Variants in APBA1 observed in about 807,000 individuals in gnomAD.
APBA1 encodes amyloid-beta A4 precursor protein-binding family A member 1.
In APBA1, 55 loss-of-function variants were observed where a neutral mutation model predicts 86.6. The observed-to-expected ratio is 0.64, with a 90% CI of 0.51 to 0.80. The LOEUF (loss-of-function observed/expected upper bound fraction) is 0.80. APBA1 is among the 30% of genes least tolerant of loss of function. The probability of loss-of-function intolerance (pLI) is 0.00; values close to 1 mark genes in which losing one functional copy is unlikely to be tolerated. For missense variants in APBA1, 1,090 were observed against 1,183.0 expected (o/e 0.92, Z 1.15); for synonymous variants, 511 against 493.9 (o/e 1.03, Z -0.46).
At chr9:69,486,561 T>C (rs1835613170) in intron 2 of APBA1, among the ~76,000 whole-genome samples, 1 of 151,974 alleles carries the variant, frequency 6.6e-6, no homozygotes, top group Non-Finnish European at 1.5e-5. Flanking sequence ...ACAGAGGTAG[T>C]GGTCAGTTCT....
intron 5 of APBA1, chr9:69,463,029 A>AGATGATGT (rs1835216541): frequency 6.6e-6 from 1 of 152,198 alleles, no homozygotes. Context: ...ATTACTTCTC[A>AGATGATGT]AAAATGATGA....
In APBA1 at chr9:69,516,923, C is replaced by G. The variant is rs1426114797; in HGVS notation, c.288G>C (p.Val96=). The stretch of plus-strand genomic sequence containing the variant: ...CGTAGCCGTCGCGGGCCGCGGCGAT[C>G]ACGTCGCCCTCGGCGGTGTCCGTGT... ...HNHTDTAEGD[V]IAAARDGYDA... The change falls in exon 2 of 13, where the codon GTG becomes GTC. Residue 96 remains valine, a synonymous_variant. Transcript: ENST00000265381. This position sits in a 1 kb window ranked among gnomAD's most constrained non-coding sequence, Gnocchi z 7.3. The G allele has an allele frequency of 1.1e-5, 17 of 1,594,552 alleles. No individual in the cohort carries two copies. The highest frequency in any genetic ancestry group is 6.7e-5 in the African/African-American group (5 of 74,840).
chr9:69,558,533 T>TAC (rs34177238), intron 1 of APBA1, among the ~76,000 whole-genome samples: 79,301 of 144,908 alleles, frequency 0.55, 23,123 homozygotes, highest in East Asian at 0.82. Context: ...TATATATATA[T>TAC]ACACACACAC....
intron 1 of APBA1, among the ~76,000 whole-genome samples, chr9:69,666,540 C>T (rs984472353): frequency 2.0e-5 from 3 of 152,134 alleles, no homozygotes; most frequent in African/African-American, 7.2e-5. Context: ...TGCCTCCCCC[C>T]ACCCCATATT....
intron 7 of APBA1, 117 bp from the exon 8 acceptor site, chr9:69,456,549 C>T (rs1835101086): frequency 9.3e-7 from 1 of 1,071,528 alleles, no homozygotes; most frequent in Non-Finnish European, 1.3e-6. Flanking sequence ...CTCCAGGGCT[C>T]ACTGCAAAGC....
chr9:69,668,283 C>G (rs922816708), intron 1 of APBA1, among the ~76,000 whole-genome samples: 1 of 152,120 alleles, frequency 6.6e-6, no homozygotes, highest in African/African-American at 2.4e-5. Flanking sequence ...TCTTCCTTAT[C>G]CTCTGTTATA....
In APBA1 at chr9:69,536,636, G is replaced by T. The variant is rs1032692996; in HGVS notation, c.-69-19357C>A. The stretch of plus-strand genomic sequence containing the variant: ...AATCCCAGCACTTTGGGAGGCTGAG[G>T]CGGGCAGATTGATGGAGGTCAGGAG... On this transcript the variant is annotated intron_variant, in intron 1 of 12. Transcript: ENST00000265381. Among the ~76,000 whole-genome samples, 9 of 150,234 alleles carry T rather than the reference G, an allele frequency of 6.0e-5. 1 individual carries two copies.
At chr9:69,577,222 T>C (rs1821821095) in intron 1 of APBA1, among the ~76,000 whole-genome samples, 2 of 152,232 alleles carry the variant, frequency 1.3e-5, no homozygotes, top group Non-Finnish European at 2.9e-5. Context: ...GAATTTACTC[T>C]TCCCTATCTA....
intron 10 of APBA1, among the ~76,000 whole-genome samples, chr9:69,448,795 G>A (rs1834954328): frequency 6.6e-6 from 1 of 152,190 alleles, no homozygotes; most frequent in African/African-American, 2.4e-5. Flanking sequence ...CGCAGCACTT[G>A]GTGCAGAGCT....
At chr9:69,645,904 T>C (rs1406833597) in intron 1 of APBA1, among the ~76,000 whole-genome samples, 1 of 152,222 alleles carries the variant, frequency 6.6e-6, no homozygotes, top group African/African-American at 2.4e-5. Context: ...AGCTGCCCAA[T>C]CACGTCTCTG....
chr9:69,619,541 C>T (rs1588396221), intron 1 of APBA1, among the ~76,000 whole-genome samples: 1 of 152,180 alleles, frequency 6.6e-6, no homozygotes, highest in East Asian at 1.9e-4. Flanking sequence ...CAGATGGGCT[C>T]TGCCAACTAT....
chr9:69,499,442 A>T (rs190311556), intron 2 of APBA1, among the ~76,000 whole-genome samples: 1 of 152,238 alleles, frequency 6.6e-6, no homozygotes, highest in East Asian at 1.9e-4. Flanking sequence ...GTCTGTTCAG[A>T]ACTCTGCAAG....
intron 1 of APBA1, among the ~76,000 whole-genome samples, chr9:69,640,286 T>C (rs1250070820): frequency 6.6e-6 from 1 of 152,054 alleles, no homozygotes; most frequent in Non-Finnish European, 1.5e-5. Flanking sequence ...TGTCTTATGA[T>C]TAGGAAACTA....
intron 1 of APBA1, among the ~76,000 whole-genome samples, chr9:69,600,972 T>G (rs1273476151): frequency 6.6e-6 from 1 of 151,876 alleles, no homozygotes. Flanking sequence ...TTCACAAATG[T>G]TTAATGGTAG....
Position 69,484,916 on chromosome 9 carries a change from T to C in APBA1, c.1201-8773A>G, listed in dbSNP as rs1406315592. On this transcript the variant is annotated intron_variant, in intron 2 of 12. Coordinates refer to ENST00000265381, the MANE Select transcript of APBA1 (RefSeq NM_001163.4). ...TTCAGTGGTCAATGGTAGGCCCTTT[T>C]CTGACACAGCATCCCTCTAGTGTTG... Among the ~76,000 whole-genome samples the C allele has an allele frequency of 2.6e-5, 4 of 152,252 alleles. No individual in the cohort carries two copies. In the East Asian group the frequency reaches 7.7e-4, roughly 29 times the overall value.
chr9:69,549,795 G>A (rs1316680792), intron 1 of APBA1, among the ~76,000 whole-genome samples: 4 of 152,168 alleles, frequency 2.6e-5, no homozygotes, highest in Non-Finnish European at 4.4e-5. Flanking sequence ...TAGAAACACG[G>A]AAAGAAGGCT....
chr9:69,531,629 C>A (rs1001876747), intron 1 of APBA1, among the ~76,000 whole-genome samples: 1 of 152,188 alleles, frequency 6.6e-6, no homozygotes, highest in Non-Finnish European at 1.5e-5. Context: ...ACCCACTGCC[C>A]CTGCCCTTCA....
intron 1 of APBA1, among the ~76,000 whole-genome samples, chr9:69,531,199 A>C (rs1836428010): frequency 6.6e-6 from 1 of 152,150 alleles, no homozygotes; most frequent in South Asian, 2.1e-4. Flanking sequence ...ACAGTTACAC[A>C]TGGCTAGTGG....
At chr9:69,505,739 C>T (rs867270948) in intron 2 of APBA1, among the ~76,000 whole-genome samples, 3 of 151,992 alleles carry the variant, frequency 2.0e-5, no homozygotes, top group Non-Finnish European at 2.9e-5. Flanking sequence ...GTCTTCAGGC[C>T]GGGTGTGGTG....
Sources: allele counts gnomAD v4.1 joint callset (sites outside exome capture counted in the v4.1 genomes callset), GRCh38; gene constraint gnomAD v4.1.1; non-coding constraint Gnocchi (gnomAD v3.1); transcripts MANE v1.5; gene names NCBI Gene and HGNC (gene_info 2026-07-23, HGNC 2026-07-21).